TNNI3K: variants seen among roughly 807,000 people sequenced by gnomAD.
TNNI3K encodes the protein TNNI3 interacting kinase, also known as serine/threonine-protein kinase TNNI3K.
TNNI3K carries 140 observed loss-of-function variants against 114.5 expected under a neutral mutation model. The ratio of observed to expected loss-of-function variants is 1.22; its 90% CI spans 1.07 to 1.41. The LOEUF (loss-of-function observed/expected upper bound fraction) is 1.41, where lower values mean the gene tolerates loss of function less well. TNNI3K is among the 40% of genes most tolerant of loss of function. The pLI is 0.00. For synonymous variants in TNNI3K, 347 were observed against 347.5 expected (o/e 1.00, Z 0.02); for missense variants, 1,125 against 1,007.6 (o/e 1.12, Z -1.58).
intron 5 of TNNI3K, among the ~76,000 whole-genome samples, chr1:74,273,337 T>C (rs1413407837): frequency 2.0e-5 from 3 of 151,852 alleles, no homozygotes. Context: ...GAAATTCCAT[T>C]AGATTCACCT....
chr1:74,425,184 G>A (rs1030757508), intron 17 of TNNI3K, among the ~76,000 whole-genome samples: 1 of 152,084 alleles, frequency 6.6e-6, no homozygotes, highest in Non-Finnish European at 1.5e-5. Context: ...AATGATTAGA[G>A]GGATAAAGTG....
chr1:74,392,620 C>T (rs551926165), intron 17 of TNNI3K, among the ~76,000 whole-genome samples: 2 of 152,116 alleles, frequency 1.3e-5, no homozygotes, highest in Non-Finnish European at 2.9e-5. Flanking sequence ...TAAGGATAAT[C>T]CTCCATTTCA....
chr1:74,376,176 A>G (rs2100537004), intron 17 of TNNI3K, among the ~76,000 whole-genome samples: 1 of 152,178 alleles, frequency 6.6e-6, no homozygotes, highest in Admixed American at 6.6e-5. Flanking sequence ...AGGAACTGCC[A>G]AAGAAAAATA....
At chr1:74,452,769 T>TC (rs1202301151) in intron 20 of TNNI3K, among the ~76,000 whole-genome samples, 17 of 152,162 alleles carry the variant, frequency 1.1e-4, no homozygotes, top group Non-Finnish European at 2.4e-4. Context: ...TATGATTATG[T>TC]CCCTGCCTGC....
rs138935678 is a variant in TNNI3K, at chr1:74,336,187, G to C, written c.682+38G>C. 11,975 of 1,576,546 alleles carry C rather than the reference G, an allele frequency of 7.6e-3. 71 individuals carry two copies. The highest frequency in any genetic ancestry group is 8.3e-3 in the Non-Finnish European group (9,754 of 1,169,448). ...ATTTAAAAGACCTTTGCTATCATTT[G>C]CTTTATGTATACCTTTTACTTGTAC... On this transcript the variant is annotated intron_variant, in intron 7 of 24. Coordinates refer to ENST00000326637, the MANE Select transcript of TNNI3K (RefSeq NM_015978.3).
At chr1:74,499,293 C>T (rs1669489366) in intron 23 of TNNI3K, among the ~76,000 whole-genome samples, 1 of 152,186 alleles carries the variant, frequency 6.6e-6, no homozygotes, top group African/African-American at 2.4e-5. Flanking sequence ...AGGCATGCGC[C>T]ACCATGCCCA....
chr1:74,432,195 C>G (rs1279371014), intron 17 of TNNI3K, among the ~76,000 whole-genome samples: 1 of 152,106 alleles, frequency 6.6e-6, no homozygotes, highest in African/African-American at 2.4e-5. Flanking sequence ...GGCGCTAGCT[C>G]AACTGCAGGT....
chr1:74,253,142 G>C (rs1469710692), intron 4 of TNNI3K, among the ~76,000 whole-genome samples: 2 of 152,176 alleles, frequency 1.3e-5, no homozygotes, highest in African/African-American at 4.8e-5. Flanking sequence ...CCCTGAGCTA[G>C]ACACAGGGTG....
Position 74,242,177 on chromosome 1 carries a change from G to A in TNNI3K, c.149+5967G>A, listed in dbSNP as rs118079922. Among the ~76,000 whole-genome samples the A allele has an allele frequency of 1.2e-3, 177 of 152,134 alleles. No individual in the cohort carries two copies. The East Asian group carries it at 0.028, about 24-fold the overall frequency. Reference sequence around the variant, plus strand: ...AAAAGTTGTAATTTTTAAACACTATGACATCAACATAATCCAAAACAACTT... The same window carrying A: ...AAAAGTTGTAATTTTTAAACACTATAACATCAACATAATCCAAAACAACTT... On this transcript the variant is annotated intron_variant, in intron 2 of 24. Coordinates refer to ENST00000326637, the MANE Select transcript of TNNI3K (RefSeq NM_015978.3).
chr1:74,327,817 T>A (rs1659992988), intron 5 of TNNI3K, among the ~76,000 whole-genome samples: 1 of 150,320 alleles, frequency 6.7e-6, no homozygotes, highest in African/African-American at 2.4e-5. Context: ...TGTTTAAAGA[T>A]TTATATCCTT....
At chr1:74,486,233 G>GAGAGAGAGAGAGAGAGAGAGAGAGA (rs200856016) in intron 21 of TNNI3K, among the ~76,000 whole-genome samples, 3 of 150,100 alleles carry the variant, frequency 2.0e-5, no homozygotes, top group African/African-American at 7.4e-5. Flanking sequence ...GAGAGAGAGA[G>GAGAGAGAGAGAGAGAGAGAGAGAGA]GTGGGAAATA....
intron 20 of TNNI3K, among the ~76,000 whole-genome samples, chr1:74,447,936 A>AGG (rs1666776535): frequency 8.7e-5 from 1 of 11,544 alleles, no homozygotes; most frequent in African/African-American, 3.8e-4. Flanking sequence ...AGCCATAAAA[A>AGG]ATGATGAGTT....
At chr1:74,238,981 A>C (rs1654026484) in intron 2 of TNNI3K, among the ~76,000 whole-genome samples, 1 of 152,120 alleles carries the variant, frequency 6.6e-6, no homozygotes, top group Admixed American at 6.6e-5. Flanking sequence ...AGCTCCCCAG[A>C]TAAAACTATG....
chr1:74,338,049 A>AAT (rs1660566035), intron 7 of TNNI3K, among the ~76,000 whole-genome samples: 2 of 151,988 alleles, frequency 1.3e-5, no homozygotes, highest in East Asian at 3.9e-4. Flanking sequence ...ATCTCTCTTG[A>AAT]ATATATATAT....
intron 11 of TNNI3K, among the ~76,000 whole-genome samples, chr1:74,365,858 T>TC (rs766366694): frequency 6.6e-6 from 1 of 151,976 alleles, no homozygotes; most frequent in African/African-American, 2.4e-5. Context: ...CAGTCATGAA[T>TC]AGAAAGCTGG....
intron 2 of TNNI3K, among the ~76,000 whole-genome samples, chr1:74,244,293 G>T (rs1654423702): frequency 6.6e-6 from 1 of 152,038 alleles, no homozygotes; most frequent in Admixed American, 6.6e-5. Context: ...ATGAGTTCAA[G>T]GAGGATATAA....
At chr1:74,259,645 C>T (rs1227725922) in intron 4 of TNNI3K, among the ~76,000 whole-genome samples, 1 of 152,102 alleles carries the variant, frequency 6.6e-6, no homozygotes, top group Non-Finnish European at 1.5e-5. Context: ...TGGTGGTGTG[C>T]GCCTATAGTC....
At chr1:74,295,810 T>C (rs1657944334) in intron 5 of TNNI3K, among the ~76,000 whole-genome samples, 1 of 152,202 alleles carries the variant, frequency 6.6e-6, no homozygotes, top group African/African-American at 2.4e-5. Flanking sequence ...ATTCCGTCTG[T>C]TTATTTAATA....
chr1:74,460,445 A>AG (rs1461824872), intron 20 of TNNI3K, among the ~76,000 whole-genome samples: 7 of 152,326 alleles, frequency 4.6e-5, no homozygotes, highest in East Asian at 1.9e-4. Flanking sequence ...GAGACTGTTG[A>AG]GAAATAATAG....
Sources: gnomAD v4.1 joint callset for allele counts (sites outside exome capture counted in the v4.1 genomes callset) on GRCh38, gnomAD v4.1.1 for gene constraint, MANE v1.5 for transcripts, NCBI Gene and HGNC (gene_info 2026-07-23, HGNC 2026-07-21) for gene names.